The following PPM1E variants were observed in gnomAD, a reference collection of about 807,000 sequenced individuals.
The protein encoded by PPM1E is protein phosphatase, Mg2+/Mn2+ dependent 1E.
PPM1E carries 20 observed loss-of-function variants against 65.9 expected under a neutral mutation model. That is an observed-to-expected ratio of 0.30 (90% CI 0.21 to 0.44). PPM1E has a LOEUF of 0.44. Among genes scored for constraint, PPM1E ranks in the 20% least tolerant of loss-of-function variants. PPM1E has a pLI of 1.00. For missense variants in PPM1E, 713 were observed against 953.1 expected (o/e 0.75, Z 3.32); for synonymous variants, 352 against 374.9 (o/e 0.94, Z 0.70).
chr17:58,936,052 G>A (rs1470424376), intron 1 of PPM1E, among the ~76,000 whole-genome samples: 1 of 151,240 alleles, frequency 6.6e-6, no homozygotes, highest in Non-Finnish European at 1.5e-5. Flanking sequence ...ACCCAGAACT[G>A]CAGGAACTAG....
intron 1 of PPM1E, among the ~76,000 whole-genome samples, chr17:58,795,726 A>G (rs995207799): frequency 3.3e-5 from 5 of 152,168 alleles, no homozygotes; most frequent in Admixed American, 3.3e-4. Context: ...AAAAACAGCT[A>G]TTCTGACTGG....
chr17:58,855,950 G>A (rs1567854722), intron 1 of PPM1E, among the ~76,000 whole-genome samples: 1 of 152,120 alleles, frequency 6.6e-6, no homozygotes, highest in Non-Finnish European at 1.5e-5. Flanking sequence ...AAAGAAATAT[G>A]TAGAAGATAC....
intron 6 of PPM1E, among the ~76,000 whole-genome samples, chr17:58,975,518 T>C (rs1308553552): frequency 1.3e-5 from 2 of 152,184 alleles, no homozygotes. Flanking sequence ...TAAGGGAGAC[T>C]TCATACATAG....
rs117068847 is a variant in PPM1E, at chr17:58,925,730, T to C, written c.465-29919T>C. On this transcript the variant is annotated intron_variant, in intron 1 of 6. Coordinates refer to ENST00000308249, the MANE Select transcript of PPM1E (RefSeq NM_014906.5). ...ACTGGGATTACAGGCGTGGGGCTGT[T>C]TTTTTCTTGTAAATTTGTTTAAGTT... Among the ~76,000 whole-genome samples, 1,367 of 152,088 alleles carry C rather than the reference T, an allele frequency of 9.0e-3. 9 individuals carry two copies. Among genetic ancestry groups the C allele is most frequent in the Non-Finnish European group, 0.013 (862 of 67,956 alleles).
intron 1 of PPM1E, among the ~76,000 whole-genome samples, chr17:58,826,657 G>A (rs1379087730): frequency 1.3e-5 from 2 of 151,806 alleles, no homozygotes; most frequent in Non-Finnish European, 2.9e-5. Context: ...ATGGAACCTG[G>A]CTCTGTCGCC....
chr17:58,908,089 T>A lies in PPM1E; in HGVS notation c.465-47560T>A, dbSNP rs181419579. On this transcript the variant is annotated intron_variant, in intron 1 of 6. Transcript: ENST00000308249. ...CTACTCTTTTTCTGCTTTTTTTTTTTAATTTTTTTTGAGACAGAGTCTCAC... is the reference window on the plus strand; with the variant it reads ...CTACTCTTTTTCTGCTTTTTTTTTTAAATTTTTTTTGAGACAGAGTCTCAC... 4.8e-3 allele frequency among the ~76,000 whole-genome samples: 736 copies of A among 151,886 alleles called. 2 individuals are homozygous for A. The highest frequency in any genetic ancestry group is 0.013 in the South Asian group (61 of 4,812).
intron 1 of PPM1E, among the ~76,000 whole-genome samples, chr17:58,913,041 T>C (rs1364916070): frequency 1.3e-5 from 2 of 152,178 alleles, no homozygotes; most frequent in South Asian, 2.1e-4. Flanking sequence ...TAAAATATCA[T>C]TTGAAATAAA....
chr17:58,958,725 A>G (rs188710791), intron 2 of PPM1E, among the ~76,000 whole-genome samples: 1 of 152,066 alleles, frequency 6.6e-6, no homozygotes, highest in Non-Finnish European at 1.5e-5. Context: ...TCTACAAGTG[A>G]GGTGAACATT....
At chr17:58,812,438 C>T (rs1056832708) in intron 1 of PPM1E, among the ~76,000 whole-genome samples, 2 of 151,368 alleles carry the variant, frequency 1.3e-5, no homozygotes, top group Admixed American at 6.6e-5. Context: ...AGATTGAAGT[C>T]GTTGCACATC....
At chr17:58,967,346 CTA>C (rs1230515019) in intron 3 of PPM1E, among the ~76,000 whole-genome samples, 35 of 152,154 alleles carry the variant, frequency 2.3e-4, no homozygotes, top group Non-Finnish European at 8.8e-5. Flanking sequence ...GGAATGATAA[CTA>C]TGATATGCTC....
chr17:58,917,471 T>TTG (rs2051697852), intron 1 of PPM1E, among the ~76,000 whole-genome samples: 1 of 152,150 alleles, frequency 6.6e-6, no homozygotes, highest in South Asian at 2.1e-4. Flanking sequence ...CCCAGATGTG[T>TTG]TGTGGTTAAG....
At chr17:58,785,805 A>G (rs1301157343) in intron 1 of PPM1E, among the ~76,000 whole-genome samples, 1 of 151,594 alleles carries the variant, frequency 6.6e-6, no homozygotes, top group East Asian at 1.9e-4. Context: ...TCCACCCACA[A>G]ATTTACTGCC....
chr17:58,761,111 C>G (rs304299), intron 1 of PPM1E, among the ~76,000 whole-genome samples: 96,828 of 152,036 alleles, frequency 0.64, 31,214 homozygotes, highest in African/African-American at 0.71. Context: ...TCACTATATT[C>G]CCTACGCTGG....
intron 1 of PPM1E, among the ~76,000 whole-genome samples, chr17:58,818,870 C>T (rs567601726): frequency 1.3e-5 from 2 of 152,246 alleles, no homozygotes; most frequent in South Asian, 4.2e-4. Flanking sequence ...GGTGCAGTGG[C>T]ACGTGCTGGT....
chr17:58,941,405 G>A (rs920922298), intron 1 of PPM1E, among the ~76,000 whole-genome samples: 12 of 152,112 alleles, frequency 7.9e-5, no homozygotes, highest in African/African-American at 2.9e-4. Flanking sequence ...TTTAAAAAAT[G>A]CTGGTCATGC....
chr17:58,969,202 C>T (rs943865572), intron 3 of PPM1E, among the ~76,000 whole-genome samples: 1 of 151,958 alleles, frequency 6.6e-6, no homozygotes, highest in African/African-American at 2.4e-5. Flanking sequence ...CCTCCCTATC[C>T]CCCCTCCCCC....
chr17:58,891,832 C>CTTTTTTTTT (rs5821250), intron 1 of PPM1E, among the ~76,000 whole-genome samples: 29 of 85,496 alleles, frequency 3.4e-4, no homozygotes, highest in African/African-American at 7.2e-4. Flanking sequence ...TTTTCTTTTT[C>CTTTTTTTTT]TTTTTTTTTT....
intron 1 of PPM1E, among the ~76,000 whole-genome samples, chr17:58,800,116 A>G (rs1428218260): frequency 6.6e-6 from 1 of 152,190 alleles, no homozygotes; most frequent in Non-Finnish European, 1.5e-5. Flanking sequence ...ATATGTATAT[A>G]TACATATAGA....
At chr17:58,885,338 T>G (rs2051253299) in intron 1 of PPM1E, among the ~76,000 whole-genome samples, 2 of 152,244 alleles carry the variant, frequency 1.3e-5, no homozygotes, top group Non-Finnish European at 2.9e-5. Context: ...ATTACAGGCA[T>G]GAGCCACCGT....
Sources: allele counts gnomAD v4.1 joint callset (sites outside exome capture counted in the v4.1 genomes callset), GRCh38; gene constraint gnomAD v4.1.1; transcripts MANE v1.5; gene names NCBI Gene and HGNC (gene_info 2026-07-23, HGNC 2026-07-21).